The following NCOA7 variants were observed in gnomAD, a reference collection of about 807,000 sequenced individuals.
NCOA7 encodes the protein nuclear receptor coactivator 7.
A neutral mutation model predicts 104.3 loss-of-function variants in NCOA7; 45 were observed. The observed-to-expected ratio is 0.43, with a 90% CI of 0.34 to 0.55. The LOEUF (loss-of-function observed/expected upper bound fraction) is 0.55, where lower values mean the gene tolerates loss of function less well. Ranked by LOEUF, NCOA7 falls within the 20% of genes least tolerant of loss-of-function variation. The pLI, the probability that NCOA7 is intolerant of heterozygous loss-of-function variation, is 0.02. For synonymous variants in NCOA7, 398 were observed against 402.3 expected (o/e 0.99, Z 0.13); for missense variants, 1,041 against 1,119.7 (o/e 0.93, Z 1.00).
intron 2 of NCOA7, among the ~76,000 whole-genome samples, chr6:125,821,054 A>AGCG (rs984453789): frequency 6.6e-6 from 1 of 152,136 alleles, no homozygotes; most frequent in Non-Finnish European, 1.5e-5. Flanking sequence ...CGTCATGTCA[A>AGCG]GCGGCGTGCC....
chr6:125,872,119 G>GTTTTC (rs1782979436), intron 3 of NCOA7, among the ~76,000 whole-genome samples: 2 of 150,920 alleles, frequency 1.3e-5, no homozygotes, highest in African/African-American at 4.9e-5. Context: ...GTTTTGTTTT[G>GTTTTC]TTTTGTTTTT....
chr6:125,828,492 G>A (rs1000861280), intron 2 of NCOA7, among the ~76,000 whole-genome samples: 6 of 152,318 alleles, frequency 3.9e-5, no homozygotes, highest in African/African-American at 1.4e-4. Flanking sequence ...GGGAAGGGAA[G>A]CCAAATATTC....
intron 1 of NCOA7, among the ~76,000 whole-genome samples, chr6:125,785,045 T>G (rs986317773): frequency 2.0e-5 from 3 of 151,902 alleles, no homozygotes; most frequent in Non-Finnish European, 2.9e-5. Context: ...TACATAAAAC[T>G]GGTGAAACCT....
At chr6:125,801,884 T>C (rs1251247602) in intron 1 of NCOA7, among the ~76,000 whole-genome samples, 1 of 152,234 alleles carries the variant, frequency 6.6e-6, no homozygotes, top group Non-Finnish European at 1.5e-5. Context: ...CTGAGGATTA[T>C]AACTTCAACA....
At chr6:125,790,132 A>G (rs1774693599), upstream of NCOA7, among the ~76,000 whole-genome samples, 1 of 152,198 alleles carries the variant, frequency 6.6e-6, no homozygotes, top group Non-Finnish European at 1.5e-5. Flanking sequence ...GGCAGCATCC[A>G]GGATGGTGTA....
rs567805782 is a variant in NCOA7, at chr6:125,923,542, G to A, written c.2523+708G>A. On this transcript the variant is annotated intron_variant, in intron 13 of 15. Transcript: ENST00000392477. Reference sequence around the variant, plus strand: ...CTGTCAGTCTCTTGCATCATGAAAGGAAGACATCATTCACATCTGCTCATT... The same window carrying A: ...CTGTCAGTCTCTTGCATCATGAAAGAAAGACATCATTCACATCTGCTCATT... 7.4e-4 allele frequency among the ~76,000 whole-genome samples: 113 copies of A among 152,262 alleles called. 1 individual carries two copies. Among genetic ancestry groups the A allele is most frequent in the Middle Eastern group, 3.4e-3 (1 of 294 alleles).
At chr6:125,797,439 AT>A (rs1460734143) in intron 1 of NCOA7, among the ~76,000 whole-genome samples, 1 of 152,230 alleles carries the variant, frequency 6.6e-6, no homozygotes, top group Non-Finnish European at 1.5e-5. Context: ...TTCATGTGGA[AT>A]TTCTGACTAG....
At position 125,878,297 on chromosome 6, in the gene NCOA7, T is replaced by G; in HGVS notation, c.386T>G (p.Leu129Arg). 3.7e-6 allele frequency: 6 copies of G among 1,612,832 alleles called. No individual in the cohort carries two copies. Among genetic ancestry groups the G allele is most frequent in the Non-Finnish European group, 5.1e-6 (6 of 1,179,392 alleles). The change falls in exon 5 of 16, where the codon CTG (leucine) becomes CGG (arginine). Residue 129 changes from leucine (L) to arginine (R), a missense_variant. This residue lies in a region of NCOA7 where 914 missense variants were observed against 942.7 expected (regional missense o/e 0.97). Transcript: ENST00000392477. ...CAGGACACCCTAAACTCCATAGCAC[T>G]GAAATTTAACATCACTCCCAATAAA... ...GNQDTLNSIALKFNITPNKLV... is the reference protein window; with the variant it reads ...GNQDTLNSIARKFNITPNKLV...
intron 3 of NCOA7, among the ~76,000 whole-genome samples, chr6:125,870,845 G>T (rs1782831904): frequency 6.6e-6 from 1 of 152,148 alleles, no homozygotes; most frequent in South Asian, 2.1e-4. Context: ...AGGGCACCAA[G>T]ATCCACTTGG....
intron 2 of NCOA7, among the ~76,000 whole-genome samples, 184 bp downstream of exon 2, chr6:125,815,588 G>T (rs1777513869): frequency 1.3e-5 from 2 of 152,176 alleles, no homozygotes; most frequent in East Asian, 1.9e-4. Flanking sequence ...GTAACATTTG[G>T]TTCTTCTCTT....
At chr6:125,806,768 T>C (rs1353135714) in intron 1 of NCOA7, among the ~76,000 whole-genome samples, 1 of 152,234 alleles carries the variant, frequency 6.6e-6, no homozygotes, top group Non-Finnish European at 1.5e-5. Flanking sequence ...TTATGTCTTC[T>C]AATGAACTTA....
chr6:125,832,586 A>G (rs1013021276), intron 2 of NCOA7, among the ~76,000 whole-genome samples: 2 of 152,248 alleles, frequency 1.3e-5, no homozygotes, highest in African/African-American at 4.8e-5. Context: ...CCATAAGGCC[A>G]CAAATGATTG....
intron 4 of NCOA7, among the ~76,000 whole-genome samples, chr6:125,876,177 A>G (rs1783359044): frequency 6.6e-6 from 1 of 152,220 alleles, no homozygotes; most frequent in African/African-American, 2.4e-5. Context: ...AGGCAGCAAG[A>G]TCTAATTCTT....
At chr6:125,860,420 T>G in intron 3 of NCOA7, among the ~76,000 whole-genome samples, 1 of 152,240 alleles carries the variant, frequency 6.6e-6, no homozygotes, top group Admixed American at 6.5e-5. Flanking sequence ...CAATCTCGAC[T>G]CATTGCAACC....
chr6:125,799,503 T>C (rs1334212890), intron 1 of NCOA7, among the ~76,000 whole-genome samples: 1 of 151,438 alleles, frequency 6.6e-6, no homozygotes, highest in African/African-American at 2.4e-5. Flanking sequence ...GCAGTGGCGC[T>C]ATCTCGGCTC....
Position 125,915,359 on chromosome 6 carries a change from T to A in NCOA7, c.2123T>A (p.Val708Asp). Residue 708 changes from valine (V) to aspartate (D), a missense_variant, in exon 11 of 16, where the codon GTT (valine) becomes GAT (aspartate). Physicochemically the swap from Val to Asp is radical, Grantham distance 152. Transcript: ENST00000392477. ...ERVDHLYTFFVQWSPDVYGKD... is the reference protein window; with the variant it reads ...ERVDHLYTFFDQWSPDVYGKD... ...GTGGATCATTTGTACACATTCTTTG[T>A]TCAGTGGTCTCCCGATGTCTATGGA... The A allele has an allele frequency of 6.2e-7, 1 of 1,613,864 alleles. No individual in the cohort carries two copies. The highest frequency in any genetic ancestry group is 8.5e-7 in the Non-Finnish European group (1 of 1,179,794).
At chr6:125,787,994 G>A (rs1377056308), upstream of NCOA7, among the ~76,000 whole-genome samples, 2 of 152,144 alleles carry the variant, frequency 1.3e-5, no homozygotes, top group Non-Finnish European at 2.9e-5. Flanking sequence ...AGGTCAGCAC[G>A]TGGTGGAGCT....
chr6:125,866,062 T>G (rs112718606), intron 3 of NCOA7, among the ~76,000 whole-genome samples: 23,621 of 135,854 alleles, frequency 0.17, 6,552 homozygotes, highest in African/African-American at 0.4. Context: ...GGGCACAGTG[T>G]CTCACACCTG....
Position 125,785,273 on chromosome 6 carries a change from G to A in NCOA7, c.-141-864G>A, listed in dbSNP as rs577087135. Reference sequence around the variant, plus strand: ...GAATTGCTCAAACCCAGGAGATGGCGGTTGCAGTGAGCTAACACGGTGCCA... The same window carrying A: ...GAATTGCTCAAACCCAGGAGATGGCAGTTGCAGTGAGCTAACACGGTGCCA... On this transcript the variant is annotated intron_variant, in intron 1 of 16. Transcript: ENST00000368357. 4.6e-5 allele frequency among the ~76,000 whole-genome samples: 7 copies of A among 152,250 alleles called. No individual in the cohort carries two copies. The East Asian group carries it at 7.7e-4, about 17-fold the overall frequency.
Sources: gnomAD v4.1 joint callset for allele counts (sites outside exome capture counted in the v4.1 genomes callset) on GRCh38, gnomAD v4.1.1 for gene constraint, gnomAD v4.1.1 regional missense constraint, MANE v1.5 for transcripts, NCBI Gene and HGNC (gene_info 2026-07-23, HGNC 2026-07-21) for gene names.